TAFA2: variants seen among roughly 807,000 people sequenced by gnomAD.
TAFA2 encodes the protein TAFA chemokine like family member 2, also known as chemokine-like protein TAFA-2.
TAFA2 carries 7 observed loss-of-function variants against 18.8 expected under a neutral mutation model. The ratio of observed to expected loss-of-function variants is 0.37; its 90% CI spans 0.21 to 0.70. The LOEUF (loss-of-function observed/expected upper bound fraction) is 0.70. TAFA2 is among the 30% of genes least tolerant of loss of function. The probability of loss-of-function intolerance (pLI) is 0.53; values close to 1 mark genes in which losing one functional copy is unlikely to be tolerated. For synonymous variants in TAFA2, 60 were observed against 54.2 expected (o/e 1.11, Z -0.47); for missense variants, 122 against 158.1 (o/e 0.77, Z 1.23).
intron 1 of TAFA2, among the ~76,000 whole-genome samples, chr12:62,230,258 G>A (rs2062806671): frequency 6.7e-6 from 1 of 148,938 alleles, no homozygotes; most frequent in Non-Finnish European, 1.5e-5. Flanking sequence ...TTTTTAGTTT[G>A]GCATATTCTT....
intron 2 of TAFA2, among the ~76,000 whole-genome samples, chr12:61,843,076 CT>C (rs755550772): frequency 1.7e-4 from 26 of 151,946 alleles, no homozygotes; most frequent in Admixed American, 1.1e-3. Context: ...GAATAGCTAC[CT>C]TGGGTCTCAG....
At chr12:61,961,619 C>CCAAGGTCA (rs1203202984) in intron 1 of TAFA2, among the ~76,000 whole-genome samples, 3 of 151,894 alleles carry the variant, frequency 2.0e-5, no homozygotes, top group Non-Finnish European at 4.4e-5. Flanking sequence ...AGTACCTCAT[C>CCAAGGTCA]CAAGGTCACA....
At chr12:61,801,135 A>G (rs1871381070) in intron 2 of TAFA2, among the ~76,000 whole-genome samples, 1 of 152,126 alleles carries the variant, frequency 6.6e-6, no homozygotes, top group Admixed American at 6.5e-5. Context: ...ACAAATAAAT[A>G]GAAGATATCC....
At chr12:61,998,543 G>T (rs1337067009) in intron 1 of TAFA2, among the ~76,000 whole-genome samples, 3 of 152,104 alleles carry the variant, frequency 2.0e-5, no homozygotes, top group Admixed American at 1.3e-4. Flanking sequence ...GCATTTAATA[G>T]TCACAGTTAT....
At chr12:61,947,462 AAAATAAAT>A (rs555036395) in intron 1 of TAFA2, among the ~76,000 whole-genome samples, 16 of 151,300 alleles carry the variant, frequency 1.1e-4, no homozygotes, top group South Asian at 6.2e-4. Flanking sequence ...TATAATTTAA[AAAATAAAT>A]AAATAAATAA....
At chr12:62,254,439 T>C (rs905265326) in intron 1 of TAFA2, among the ~76,000 whole-genome samples, 11 of 152,308 alleles carry the variant, frequency 7.2e-5, no homozygotes, top group African/African-American at 2.6e-4. Context: ...CACTATATCC[T>C]TAATAAATTC....
At chr12:62,183,913 C>T (rs185469066) in intron 1 of TAFA2, among the ~76,000 whole-genome samples, 8 of 152,240 alleles carry the variant, frequency 5.3e-5, no homozygotes, top group Admixed American at 5.2e-4. Context: ...ATCAGTAGAG[C>T]AAAGACATGT....
rs182619710 is a variant in TAFA2 at position 61,864,639 on chromosome 12, G to A, written c.106+2681C>T. ...ATACAAAAAATTAGTCGGGCGTGGT[G>A]GTGGGCACCTGTAGTCCCAGCTATT... On this transcript the variant is annotated intron_variant, in intron 2 of 4. Coordinates refer to ENST00000416284, the MANE Select transcript of TAFA2 (RefSeq NM_178539.5). 1.0e-3 allele frequency among the ~76,000 whole-genome samples: 152 copies of A among 151,644 alleles called. 1 individual carries two copies. Among genetic ancestry groups the A allele is most frequent in the African/African-American group, 3.2e-3 (134 of 41,424 alleles).
intron 1 of TAFA2, among the ~76,000 whole-genome samples, chr12:61,972,405 G>A (rs17125560): frequency 8.6e-5 from 13 of 151,296 alleles, no homozygotes; most frequent in Non-Finnish European, 1.8e-4. Context: ...GTTTCTTTAG[G>A]AGATACAACC....
chr12:62,106,827 C>T (rs1274442980), intron 1 of TAFA2, among the ~76,000 whole-genome samples: 3 of 152,166 alleles, frequency 2.0e-5, no homozygotes, highest in African/African-American at 7.2e-5. Context: ...AATTGAAAGA[C>T]TTGTAAAAGA....
At chr12:61,768,383 A>G (rs1488642368) in intron 2 of TAFA2, among the ~76,000 whole-genome samples, 1 of 152,148 alleles carries the variant, frequency 6.6e-6, no homozygotes, top group East Asian at 1.9e-4. Flanking sequence ...GGAGACTCAT[A>G]CTGTGAACTC....
chr12:61,835,911 T>A (rs1394767423), intron 2 of TAFA2, among the ~76,000 whole-genome samples: 1 of 151,914 alleles, frequency 6.6e-6, no homozygotes, highest in Non-Finnish European at 1.5e-5. Flanking sequence ...TAAGCAGCCT[T>A]CAGTTCAGCA....
intron 1 of TAFA2, among the ~76,000 whole-genome samples, chr12:62,229,646 C>T (rs1164684214): frequency 6.6e-6 from 1 of 151,874 alleles, no homozygotes; most frequent in Non-Finnish European, 1.5e-5. Flanking sequence ...CATCTATGTC[C>T]ATCAGGAACA....
chr12:61,970,228 A>G (rs1012172232), intron 1 of TAFA2, among the ~76,000 whole-genome samples: 9 of 151,696 alleles, frequency 5.9e-5, no homozygotes, highest in Admixed American at 2.0e-4. Context: ...TTGATAATGG[A>G]GATTACTGGT....
chr12:62,234,599 G>T, intron 1 of TAFA2: 1 of 823,300 alleles, frequency 1.2e-6, no homozygotes, highest in Non-Finnish European at 2.2e-6. Context: ...CACCTTTCCC[G>T]TTGCACAAAT....
chr12:61,714,861 C>T (rs1303464167), intron 4 of TAFA2, among the ~76,000 whole-genome samples: 1 of 152,110 alleles, frequency 6.6e-6, no homozygotes, highest in Non-Finnish European at 1.5e-5. Flanking sequence ...CTAGGTTATC[C>T]GCAGGAGGTA....
At chr12:61,828,092 G>C (rs1175802728) in intron 2 of TAFA2, among the ~76,000 whole-genome samples, 1 of 151,888 alleles carries the variant, frequency 6.6e-6, no homozygotes, top group African/African-American at 2.4e-5. Context: ...GCAACAGAAA[G>C]TTCAATGATC....
intron 4 of TAFA2, among the ~76,000 whole-genome samples, chr12:61,719,584 C>T (rs1869806808): frequency 6.6e-6 from 1 of 152,148 alleles, no homozygotes; most frequent in Non-Finnish European, 1.5e-5. Context: ...TTGAAAAACC[C>T]TAGCCCCCAG....
At chr12:61,735,260 T>C (rs963129335) in intron 4 of TAFA2, among the ~76,000 whole-genome samples, 2 of 152,044 alleles carry the variant, frequency 1.3e-5, no homozygotes, top group African/African-American at 4.8e-5. Flanking sequence ...TCTTTCCCAT[T>C]ATTGTCTTAT....
Sources: gnomAD v4.1 joint callset for allele counts (sites outside exome capture counted in the v4.1 genomes callset) on GRCh38, gnomAD v4.1.1 for gene constraint, MANE v1.5 for transcripts, NCBI Gene and HGNC (gene_info 2026-07-23, HGNC 2026-07-21) for gene names.